Variants in NAALADL2 observed in about 807,000 individuals in gnomAD.
NAALADL2 encodes N-acetylated alpha-linked acidic dipeptidase like 2, also known as inactive N-acetylated-alpha-linked acidic dipeptidase-like protein 2.
A neutral mutation model predicts 87.2 loss-of-function variants in NAALADL2; 76 were observed. The observed-to-expected ratio is 0.87, with a 90% CI of 0.72 to 1.05. The LOEUF (loss-of-function observed/expected upper bound fraction) is 1.05, where lower values mean the gene tolerates loss of function less well. Ranked by LOEUF, NAALADL2 falls within the 50% of genes least tolerant of loss-of-function variation. NAALADL2 has a pLI of 0.00. For synonymous variants in NAALADL2, 354 were observed against 331.0 expected (o/e 1.07, Z -0.75); for missense variants, 1,089 against 945.8 (o/e 1.15, Z -1.99).
intron 2 of NAALADL2, among the ~76,000 whole-genome samples, chr3:174,570,130 G>A (rs1714755540): frequency 6.6e-6 from 1 of 152,006 alleles, no homozygotes; most frequent in Admixed American, 6.6e-5. Flanking sequence ...GGATCATAGT[G>A]TTGCACTGCT....
intron 1 of NAALADL2, among the ~76,000 whole-genome samples, chr3:174,460,506 A>G (rs1189595781): frequency 1.3e-5 from 2 of 152,082 alleles, no homozygotes; most frequent in African/African-American, 4.8e-5. Context: ...GCTTAGAAGC[A>G]TATAAAGAAA....
rs368832206 is a variant in NAALADL2 at position 175,197,226 on chromosome 3, G to A, written c.546-36705G>A. Among the ~76,000 whole-genome samples, 121 of 152,064 alleles carry A rather than the reference G, an allele frequency of 8.0e-4. 1 individual carries two copies. Among genetic ancestry groups the A allele is most frequent in the African/African-American group, 2.8e-3 (118 of 41,524 alleles). ...CTATGGTTTAAGTCTGCATATGTCT[G>A]TATTTGTTTATATCTCTGTTAACTG... is the stretch of plus-strand genomic sequence containing the variant. On this transcript the variant is annotated intron_variant, in intron 2 of 13. Coordinates refer to ENST00000454872, the MANE Select transcript of NAALADL2 (RefSeq NM_207015.3).
At chr3:175,716,367 A>G (rs1387155926) in intron 11 of NAALADL2, among the ~76,000 whole-genome samples, 3 of 147,762 alleles carry the variant, frequency 2.0e-5, no homozygotes, top group Non-Finnish European at 4.5e-5. Context: ...GTGTGTGTGT[A>G]TATGTATACA....
chr3:174,518,088 G>A (rs951458137), intron 1 of NAALADL2, among the ~76,000 whole-genome samples: 35 of 152,130 alleles, frequency 2.3e-4, no homozygotes, highest in African/African-American at 7.9e-4. Flanking sequence ...TTTAAGATGA[G>A]TAATCACTAA....
intron 2 of NAALADL2, among the ~76,000 whole-genome samples, chr3:175,108,270 A>G (rs1426057589): frequency 4.6e-5 from 7 of 151,946 alleles, no homozygotes; most frequent in Non-Finnish European, 7.4e-5. Context: ...CTCACTTCTC[A>G]GAAGGGTATG....
chr3:174,486,138 T>A (rs1717845204), intron 1 of NAALADL2, among the ~76,000 whole-genome samples: 1 of 152,014 alleles, frequency 6.6e-6, no homozygotes, highest in Non-Finnish European at 1.5e-5. Context: ...ATTTCCCTTT[T>A]CCCACATGGA....
chr3:175,114,326 T>C (rs1724733935), intron 2 of NAALADL2, among the ~76,000 whole-genome samples: 1 of 151,566 alleles, frequency 6.6e-6, no homozygotes, highest in Non-Finnish European at 1.5e-5. Context: ...AAAATAACTC[T>C]AATAAATCAA....
intron 1 of NAALADL2, among the ~76,000 whole-genome samples, chr3:174,448,726 G>A (rs1715248380): frequency 6.6e-6 from 1 of 152,160 alleles, no homozygotes; most frequent in South Asian, 2.1e-4. Flanking sequence ...ATGTAACTAT[G>A]TGTGGGAAAA....
At chr3:175,049,453 A>G (rs1292930723) in intron 1 of NAALADL2, among the ~76,000 whole-genome samples, 1 of 152,200 alleles carries the variant, frequency 6.6e-6, no homozygotes, top group African/African-American at 2.4e-5. Context: ...AGAGGCCTAA[A>G]AAATAGACGC....
chr3:175,784,644 C>CA (rs1437223112), intron 13 of NAALADL2, among the ~76,000 whole-genome samples: 1 of 141,790 alleles, frequency 7.1e-6, no homozygotes, highest in African/African-American at 2.8e-5. Flanking sequence ...TTGATCCTTT[C>CA]AAAAAACCAG....
chr3:175,038,367 C>G (rs950582009), intron 1 of NAALADL2, among the ~76,000 whole-genome samples: 1 of 152,088 alleles, frequency 6.6e-6, no homozygotes, highest in Non-Finnish European at 1.5e-5. Context: ...TTCACTAAGA[C>G]TCACCTAAGG....
chr3:174,969,475 C>T (rs1743316931), intron 1 of NAALADL2, among the ~76,000 whole-genome samples: 1 of 152,162 alleles, frequency 6.6e-6, no homozygotes, highest in African/African-American at 2.4e-5. Flanking sequence ...AAAGAGCAAT[C>T]TCTCAATAAA....
chr3:174,861,967 A>G (rs1414048543), intron 1 of NAALADL2, among the ~76,000 whole-genome samples: 2 of 151,958 alleles, frequency 1.3e-5, no homozygotes, highest in Non-Finnish European at 2.9e-5. Flanking sequence ...ACAGATTTTA[A>G]TTAGCTTTTC....
At chr3:175,534,653 C>CTTTTT (rs113648294) in intron 9 of NAALADL2, among the ~76,000 whole-genome samples, 1 of 145,442 alleles carries the variant, frequency 6.9e-6, no homozygotes, top group Non-Finnish European at 1.5e-5. Flanking sequence ...ATATTGTCAG[C>CTTTTT]TTTTTTTTTT....
chr3:175,567,632 A>G (rs1166660107), intron 9 of NAALADL2, among the ~76,000 whole-genome samples: 1 of 152,138 alleles, frequency 6.6e-6, no homozygotes, highest in Non-Finnish European at 1.5e-5. Flanking sequence ...ACATCCAGTA[A>G]GTAGGTTTTA....
chr3:175,169,385 C>T (rs1381129), intron 2 of NAALADL2, among the ~76,000 whole-genome samples: 125,588 of 150,976 alleles, frequency 0.83, 52,562 homozygotes, highest in East Asian at 0.93. Flanking sequence ...GGCAGATAAT[C>T]TAGCTTCTAT....
At chr3:175,400,581 A>G (rs569628007) in intron 5 of NAALADL2, among the ~76,000 whole-genome samples, 54 of 152,298 alleles carry the variant, frequency 3.5e-4, no homozygotes, top group Middle Eastern at 6.8e-3. Context: ...ATGAACTACA[A>G]CAAAGCATTA....
At chr3:174,561,846 T>A (rs1713655158) in intron 2 of NAALADL2, among the ~76,000 whole-genome samples, 1 of 152,210 alleles carries the variant, frequency 6.6e-6, no homozygotes, top group Admixed American at 6.5e-5. Context: ...TTTATATATA[T>A]CCTGTGCTGA....
intron 2 of NAALADL2, among the ~76,000 whole-genome samples, chr3:175,145,395 A>G (rs1175033701): frequency 6.6e-6 from 1 of 152,102 alleles, no homozygotes. Context: ...ACCTAAACCC[A>G]CAAACATATA....
Sources: gnomAD v4.1 joint callset for allele counts (sites outside exome capture counted in the v4.1 genomes callset) on GRCh38, gnomAD v4.1.1 for gene constraint, MANE v1.5 for transcripts, NCBI Gene and HGNC (gene_info 2026-07-23, HGNC 2026-07-21) for gene names.